The following SLC38A12 variants were observed in gnomAD, a reference collection of about 807,000 sequenced individuals.
The protein encoded by SLC38A12 is solute carrier family 38 member 12, also known as putative sodium-coupled neutral amino acid transporter 12.
At chr17:74,831,310 C>T in the SLC38A12 span, among the ~76,000 whole-genome samples, 5 of 152,248 alleles carry the variant, frequency 3.3e-5, no homozygotes, top group African/African-American at 7.2e-5. Context: ...ACCCCTGTCT[C>T]AGTGTGCTGT....
the SLC38A12 span, among the ~76,000 whole-genome samples, chr17:74,794,233 C>A: frequency 6.6e-6 from 1 of 152,214 alleles, no homozygotes; most frequent in African/African-American, 2.4e-5. Flanking sequence ...CATGGACTTA[C>A]TGGGGTCCTG....
chr17:74,819,659 G>A, the SLC38A12 span: 11 of 1,287,338 alleles, frequency 8.5e-6, no homozygotes, highest in Non-Finnish European at 1.2e-5. Flanking sequence ...CTTAGCTATG[G>A]GCGGAGGCCA....
chr17:74,803,696 G>A, the SLC38A12 span, among the ~76,000 whole-genome samples: 8 of 152,260 alleles, frequency 5.3e-5, no homozygotes, highest in South Asian at 1.2e-3. Context: ...TGACCTGTGC[G>A]TGCACATGCA....
At chr17:74,791,096 C>CCTGCACCCTTGTAATGAGGG in the SLC38A12 span, 1 of 1,467,786 alleles carries the variant, frequency 6.8e-7, no homozygotes, top group Non-Finnish European at 9.5e-7. Context: ...TCCCTGCAGG[C>CCTGCACCCTTGTAATGAGGG]CTGCACCCTT....
At chr17:74,788,378 G>A in the SLC38A12 span, among the ~76,000 whole-genome samples, 3 of 152,156 alleles carry the variant, frequency 2.0e-5, no homozygotes, top group African/African-American at 4.8e-5. Context: ...CAAGGTTGAC[G>A]TGAAAGCTGC....
the SLC38A12 span, chr17:74,794,960 A>G: frequency 1.0e-5 from 15 of 1,458,686 alleles, no homozygotes; most frequent in South Asian, 8.5e-5. Context: ...AAAAAAAAAA[A>G]CATGCAGACA....
the SLC38A12 span, chr17:74,836,062 C>T: frequency 6.2e-7 from 1 of 1,613,612 alleles, no homozygotes. This position sits in a 1 kb window ranked among gnomAD's most constrained non-coding sequence, Gnocchi z 4.2. Flanking sequence ...TGCCAGCACT[C>T]TCTGCCATCC....
the SLC38A12 span, chr17:74,788,679 G>A: frequency 2.4e-6 from 2 of 833,644 alleles, no homozygotes; most frequent in South Asian, 1.7e-5. Flanking sequence ...TCTCAGAAAA[G>A]AGAATGGTCT....
chr17:74,835,962 A>G, the SLC38A12 span: 17 of 1,609,610 alleles, frequency 1.1e-5, no homozygotes, highest in Middle Eastern at 8.3e-4. Context: ...CCTGATCCGC[A>G]TCGGGCACGG....
chr17:74,828,998 A>T, the SLC38A12 span, among the ~76,000 whole-genome samples: 1 of 152,156 alleles, frequency 6.6e-6, no homozygotes, highest in Non-Finnish European at 1.5e-5. Context: ...GAAGTTTTTA[A>T]TTTTTAGTAG....
the SLC38A12 span, among the ~76,000 whole-genome samples, chr17:74,791,225 G>T: frequency 6.6e-6 from 1 of 152,126 alleles, no homozygotes; most frequent in African/African-American, 2.4e-5. Flanking sequence ...CCCTGTCTGC[G>T]GGCATTAAAA....
the SLC38A12 span, among the ~76,000 whole-genome samples, chr17:74,789,206 C>T: frequency 9.3e-4 from 142 of 152,258 alleles, no homozygotes; most frequent in Middle Eastern, 3.4e-3. Flanking sequence ...GTGCTGAGAG[C>T]TTCCTAAAGA....
At chr17:74,832,664 G>A in the SLC38A12 span, among the ~76,000 whole-genome samples, 23 of 152,346 alleles carry the variant, frequency 1.5e-4, no homozygotes, top group East Asian at 1.9e-4. Context: ...CCATGCAGCC[G>A]AGCTGCCACA....
At chr17:74,801,576 G>A in the SLC38A12 span, among the ~76,000 whole-genome samples, 7 of 152,192 alleles carry the variant, frequency 4.6e-5, no homozygotes, top group South Asian at 6.2e-4. Flanking sequence ...CAGTCATCCC[G>A]TGAGACTGGG....
At chr17:74,783,392 A>G in the SLC38A12 span, among the ~76,000 whole-genome samples, 6 of 152,252 alleles carry the variant, frequency 3.9e-5, no homozygotes, top group East Asian at 1.2e-3. Flanking sequence ...TGTTGCCACA[A>G]GGATTCAAAG....
chr17:74,794,634 G>A, the SLC38A12 span, among the ~76,000 whole-genome samples: 9 of 151,800 alleles, frequency 5.9e-5, no homozygotes, highest in South Asian at 2.1e-4. Context: ...ACCAGAGGGG[G>A]CCCCAGCCCA....
chr17:74,837,661 G>A, the SLC38A12 span: 3 of 985,618 alleles, frequency 3.0e-6, no homozygotes, highest in African/African-American at 1.7e-5. Flanking sequence ...CAGTGTTCAC[G>A]CTATATCCCT....
chr17:74,815,563 C>T, the SLC38A12 span, among the ~76,000 whole-genome samples: 4 of 152,254 alleles, frequency 2.6e-5, no homozygotes, highest in East Asian at 5.8e-4. Context: ...CTCCGTGGTG[C>T]GGTTAAAGGA....
At chr17:74,784,319 C>G in the SLC38A12 span, among the ~76,000 whole-genome samples, 1 of 151,972 alleles carries the variant, frequency 6.6e-6, no homozygotes, top group Non-Finnish European at 1.5e-5. Flanking sequence ...CAGTCCAGGC[C>G]GGAAAGACTC....
Sources: gnomAD v4.1 joint callset for allele counts (sites outside exome capture counted in the v4.1 genomes callset) on GRCh38, gnomAD v4.1.1 for gene constraint, Gnocchi (gnomAD v3.1) non-coding constraint, MANE v1.5 for transcripts, NCBI Gene and HGNC (gene_info 2026-07-23, HGNC 2026-07-21) for gene names.